The following INTS4 variants were observed in gnomAD, a reference collection of about 807,000 sequenced individuals.
The protein encoded by INTS4 is integrator complex subunit 4, also known as MSTP093.
A neutral mutation model predicts 119.5 loss-of-function variants in INTS4; 70 were observed. That is an observed-to-expected ratio of 0.59 (90% confidence interval 0.48 to 0.71). The LOEUF (loss-of-function observed/expected upper bound fraction) is 0.71, where lower values mean the gene tolerates loss of function less well. Ranked by LOEUF, INTS4 falls within the 30% of genes least tolerant of loss-of-function variation. The probability of loss-of-function intolerance (pLI) is 0.00; values close to 1 mark genes in which losing one functional copy is unlikely to be tolerated. For missense variants in INTS4, 867 were observed against 1,173.2 expected (o/e 0.74, Z 3.81); for synonymous variants, 316 against 419.6 (o/e 0.75, Z 3.02).
At chr11:77,952,836 G>A (rs936607708) in intron 8 of INTS4, among the ~76,000 whole-genome samples, 1 of 152,006 alleles carries the variant, frequency 6.6e-6, no homozygotes, top group Non-Finnish European at 1.5e-5. Context: ...TTTTAAAACT[G>A]CCTATTCAGG....
downstream of INTS4, chr11:77,877,034 G>A (rs1158025248): frequency 1.4e-6 from 1 of 703,068 alleles, no homozygotes; most frequent in Admixed American, 2.0e-5. Flanking sequence ...GCACATCCTT[G>A]AGAGATGCAA....
At chr11:77,947,676 T>G (rs1954081111) in intron 8 of INTS4, among the ~76,000 whole-genome samples, 1 of 152,014 alleles carries the variant, frequency 6.6e-6, no homozygotes, top group Non-Finnish European at 1.5e-5. Context: ...TTCAAAATGG[T>G]CAAAAACTAC....
chr11:77,970,798 T>C (rs1431573547), intron 4 of INTS4, among the ~76,000 whole-genome samples: 1 of 151,986 alleles, frequency 6.6e-6, no homozygotes, highest in Non-Finnish European at 1.5e-5. Flanking sequence ...TGAGATAGCA[T>C]CTCATTGTGG....
At chr11:77,985,696 G>C (rs1195994578) in intron 2 of INTS4, among the ~76,000 whole-genome samples, 2 of 152,150 alleles carry the variant, frequency 1.3e-5, no homozygotes, top group East Asian at 3.8e-4. Context: ...GCCTGGCACA[G>C]AGTAAGTATT....
intron 19 of INTS4, 95 bp from the exon 20 acceptor site, chr11:77,891,935 G>C: frequency 1.3e-6 from 2 of 1,573,982 alleles, no homozygotes; most frequent in Non-Finnish European, 8.6e-7. Flanking sequence ...GAAGTAGGAA[G>C]AATGATGAAG....
At chr11:77,974,801 A>T (rs1354233017) in intron 4 of INTS4, among the ~76,000 whole-genome samples, 2 of 151,844 alleles carry the variant, frequency 1.3e-5, no homozygotes, top group Admixed American at 6.6e-5. Flanking sequence ...GGGTCTTCCT[A>T]TGTGACCCAG....
At chr11:77,988,516 A>G (rs1440935013) in intron 2 of INTS4, among the ~76,000 whole-genome samples, 2 of 152,206 alleles carry the variant, frequency 1.3e-5, no homozygotes, top group East Asian at 1.9e-4. Context: ...ATTATACAGA[A>G]TATTAGAAGA....
At chr11:77,877,047 C>G (rs770576896), downstream of INTS4, 2 of 702,988 alleles carry the variant, frequency 2.8e-6, no homozygotes, top group South Asian at 3.0e-5. Flanking sequence ...AGATGCAAAA[C>G]AGGTAAGCAC....
intron 2 of INTS4, among the ~76,000 whole-genome samples, chr11:77,984,011 A>C (rs1308447227): frequency 1.3e-5 from 2 of 152,238 alleles, no homozygotes; most frequent in African/African-American, 4.8e-5. Flanking sequence ...AAAGATAAGC[A>C]AAATATGGTA....
At chr11:77,918,675 C>T (rs1953265732) in intron 15 of INTS4, 146 bp downstream of exon 15, 1 of 1,047,586 alleles carries the variant, frequency 9.5e-7, no homozygotes, top group Admixed American at 3.0e-5. Flanking sequence ...ACAATCTAAT[C>T]CAAATATAAA....
chr11:77,941,457 G>GA (rs1953927117), intron 8 of INTS4, among the ~76,000 whole-genome samples: 5 of 76,802 alleles, frequency 6.5e-5, no homozygotes, highest in South Asian at 3.0e-4. Context: ...CACCTACTGT[G>GA]CTTTTTTTTT....
chr11:77,990,263 C>T (rs945779223), intron 2 of INTS4, among the ~76,000 whole-genome samples: 1 of 150,694 alleles, frequency 6.6e-6, no homozygotes, highest in Non-Finnish European at 1.5e-5. Context: ...AGTAGTGGCA[C>T]GTCTGCAGTC....
At chr11:77,960,885 G>A in intron 5 of INTS4, 68 bp downstream of exon 5, 1 of 1,357,870 alleles carries the variant, frequency 7.4e-7, no homozygotes, top group Non-Finnish European at 1.0e-6. Flanking sequence ...ATCCAAGGCA[G>A]CACTAGCTAT....
intron 4 of INTS4, among the ~76,000 whole-genome samples, chr11:77,965,153 C>T (rs1855445414): frequency 6.6e-6 from 1 of 152,030 alleles, no homozygotes; most frequent in African/African-American, 2.4e-5. Context: ...GCCTGGAACT[C>T]CTGGGTTCAA....
chr11:77,963,556 C>A, intron 4 of INTS4: 9 of 329,212 alleles, frequency 2.7e-5, no homozygotes, highest in East Asian at 1.0e-4. Context: ...CAATTTGTGT[C>A]AAAAATAAAA....
Position 77,904,521 on chromosome 11 carries a change from G to C in INTS4, c.2017-901C>G, listed in dbSNP as rs539952718. 9.8e-4 allele frequency among the ~76,000 whole-genome samples: 150 copies of C among 152,308 alleles called. 1 individual carries two copies. The highest frequency in any genetic ancestry group is 3.4e-3 in the African/African-American group (142 of 41,578). ...ATACTAAGTCTGAGAAATCCAGTGT[G>C]TATTTTGCACTTAATAACACATCTC... On this transcript the variant is annotated intron_variant, in intron 16 of 22. Coordinates refer to ENST00000534064, the MANE Select transcript of INTS4 (RefSeq NM_033547.4).
Position 77,992,681 on chromosome 11 carries a change from T to C in INTS4, c.55-1382A>G, listed in dbSNP as rs530272231. ...TAGACAAGAACACAGTATGACATGA[T>C]AAAAAGAATAAGGACTTTGGAGTCA... On this transcript the variant is annotated intron_variant, in intron 1 of 22. Transcript: ENST00000534064. 4.6e-5 allele frequency among the ~76,000 whole-genome samples: 7 copies of C among 152,290 alleles called. No homozygotes were observed. In the East Asian group the frequency reaches 1.3e-3, roughly 29 times the overall value.
At chr11:77,875,631 AG>A (rs1951574015), downstream of INTS4, among the ~76,000 whole-genome samples, 2 of 152,180 alleles carry the variant, frequency 1.3e-5, no homozygotes, top group African/African-American at 4.8e-5. Context: ...ACCTTTCTTA[AG>A]GGGTTTGCAT....
chr11:77,938,013 T>C (rs1056383424), intron 10 of INTS4, among the ~76,000 whole-genome samples: 1 of 151,982 alleles, frequency 6.6e-6, no homozygotes, highest in Admixed American at 6.6e-5. Context: ...ATACCAGCTA[T>C]TTTTTGTATT....
Sources: allele counts gnomAD v4.1 joint callset (sites outside exome capture counted in the v4.1 genomes callset), GRCh38; gene constraint gnomAD v4.1.1; transcripts MANE v1.5; gene names NCBI Gene and HGNC (gene_info 2026-07-23, HGNC 2026-07-21).